Variants in PKIB observed in about 807,000 individuals in gnomAD.
The protein encoded by PKIB is cAMP-dependent protein kinase inhibitor beta.
PKIB carries 2 observed loss-of-function variants against 4.5 expected under a neutral mutation model. The observed-to-expected ratio is 0.44, with a 90% confidence interval of 0.18 to 1.39. The LOEUF is 1.39. Among genes scored for constraint, PKIB ranks in the 40% most tolerant of loss-of-function variants. PKIB has a pLI of 0.27. For missense variants in PKIB, 94 were observed against 92.6 expected, an observed-to-expected ratio of 1.02 and a Z score of -0.06; for synonymous variants, 38 against 36.0, an observed-to-expected ratio of 1.06 and a Z score of -0.20.
intron 2 of PKIB, among the ~76,000 whole-genome samples, chr6:122,521,287 C>T (rs1776939260): frequency 6.6e-6 from 1 of 152,144 alleles, no homozygotes; most frequent in Non-Finnish European, 1.5e-5. Context: ...TTGGTCCAAC[C>T]ACTGAGTTTG....
At chr6:122,671,056 G>C (rs571363320) in intron 2 of PKIB, among the ~76,000 whole-genome samples, 1 of 152,288 alleles carries the variant, frequency 6.6e-6, no homozygotes, top group Non-Finnish European at 1.5e-5. Flanking sequence ...CACTTTGGGA[G>C]GCCGAGGTGG....
At chr6:122,582,240 T>C (rs1027614919) in intron 2 of PKIB, among the ~76,000 whole-genome samples, 6 of 151,896 alleles carry the variant, frequency 4.0e-5, no homozygotes, top group Non-Finnish European at 7.4e-5. Context: ...CAGAATTTAG[T>C]AGCTATTCTT....
chr6:122,667,809 A>G (rs971685379), intron 2 of PKIB, among the ~76,000 whole-genome samples: 2 of 152,206 alleles, frequency 1.3e-5, no homozygotes, highest in Admixed American at 1.3e-4. Context: ...GTAAAAAAGT[A>G]AAGAGAAGCT....
intron 2 of PKIB, among the ~76,000 whole-genome samples, chr6:122,523,744 C>G (rs541853859): frequency 1.3e-5 from 2 of 151,594 alleles, no homozygotes; most frequent in Admixed American, 6.6e-5. Context: ...GATCAAGCCA[C>G]TGCACTCCAG....
chr6:122,478,037 G>C (rs1373915377), intron 2 of PKIB: 2 of 151,820 alleles, frequency 1.3e-5, no homozygotes, highest in Non-Finnish European at 2.9e-5. Context: ...GAAATCCTAG[G>C]CTTAGCTGTT....
chr6:122,575,913 A>G (rs911007556), intron 2 of PKIB, among the ~76,000 whole-genome samples: 6 of 152,176 alleles, frequency 3.9e-5, no homozygotes, highest in African/African-American at 1.4e-4. Context: ...CTGAAATTTT[A>G]AAAAAGAAAC....
intron 2 of PKIB, among the ~76,000 whole-genome samples, chr6:122,554,242 T>C (rs955478574): frequency 2.2e-4 from 34 of 152,334 alleles, no homozygotes; most frequent in African/African-American, 7.7e-4. Flanking sequence ...TAGCCTACAA[T>C]AATGACAGAA....
intron 2 of PKIB, among the ~76,000 whole-genome samples, chr6:122,504,156 T>A (rs983817795): frequency 5.9e-5 from 9 of 152,240 alleles, no homozygotes; most frequent in South Asian, 4.1e-4. Flanking sequence ...ATATTTTTTT[T>A]ATGAGGCTTT....
chr6:122,494,442 A>G (rs528238244), intron 2 of PKIB, among the ~76,000 whole-genome samples: 187 of 152,238 alleles, frequency 1.2e-3, no homozygotes, highest in Non-Finnish European at 2.3e-3. Flanking sequence ...GAAGAGTGCT[A>G]TGGCACAAGG....
chr6:122,679,093 A>C (rs1256312030), intron 3 of PKIB, among the ~76,000 whole-genome samples: 1 of 152,186 alleles, frequency 6.6e-6, no homozygotes, highest in Non-Finnish European at 1.5e-5. Context: ...GTGAAAAAAA[A>C]GTGCATCCCA....
chr6:122,576,710 A>ATATATATT (rs59569106), intron 2 of PKIB, among the ~76,000 whole-genome samples: 1,614 of 109,634 alleles, frequency 0.015, 16 homozygotes, highest in Non-Finnish European at 0.021. Context: ...ATATATATAT[A>ATATATATT]TTTTCTTTTG....
At chr6:122,629,329 G>A (rs1227075283) in intron 1 of PKIB, among the ~76,000 whole-genome samples, 6 of 152,034 alleles carry the variant, frequency 3.9e-5, no homozygotes, top group Non-Finnish European at 7.4e-5. Flanking sequence ...GACCCAATCT[G>A]GAACAATTTG....
chr6:122,680,427 C>CTTGG (rs1197946501), intron 3 of PKIB, among the ~76,000 whole-genome samples: 5 of 152,190 alleles, frequency 3.3e-5, no homozygotes, highest in African/African-American at 4.8e-5. Context: ...TGGAGGGGTT[C>CTTGG]TTCAGACCTA....
chr6:122,616,265 A>G (rs944385507), intron 1 of PKIB, among the ~76,000 whole-genome samples: 51 of 152,320 alleles, frequency 3.3e-4, no homozygotes, highest in Non-Finnish European at 8.8e-5. Context: ...GGCATGATCA[A>G]CAAGTCATAG....
intron 2 of PKIB, among the ~76,000 whole-genome samples, chr6:122,566,131 G>A (rs564362851): frequency 8.9e-4 from 135 of 152,106 alleles, no homozygotes; most frequent in African/African-American, 3.2e-3. Context: ...TAATCATTGG[G>A]TGTTGGACTT....
intron 3 of PKIB, among the ~76,000 whole-genome samples, chr6:122,592,965 G>C (rs1368117750): frequency 1.3e-5 from 2 of 152,084 alleles, no homozygotes; most frequent in African/African-American, 4.8e-5. Flanking sequence ...CTAATATTTG[G>C]GGTCAAGTAA....
chr6:122,524,524 C>T (rs1319615700), intron 2 of PKIB, among the ~76,000 whole-genome samples: 1 of 152,104 alleles, frequency 6.6e-6, no homozygotes, highest in African/African-American at 2.4e-5. Context: ...CCCTCCTCTT[C>T]AATTTTTTGG....
rs551063339 is a variant in PKIB at position 122,515,110 on chromosome 6, C to T, written c.-248+37171C>T. ...TATTTTTTGGGGGAAGAAAGAGTAA[C>T]GCACTTAAGTGGACATTAACTCATA... On this transcript the variant is annotated intron_variant, in intron 2 of 6. Coordinates refer to the PKIB transcript ENST00000392491. Among the ~76,000 whole-genome samples the T allele has an allele frequency of 2.0e-5, 3 of 152,224 alleles. No individual in the cohort carries two copies. In the South Asian group the frequency reaches 6.2e-4, roughly 32 times the overall value.
chr6:122,701,977 T>G (rs1198968025), intron 3 of PKIB, among the ~76,000 whole-genome samples: 1 of 152,110 alleles, frequency 6.6e-6, no homozygotes, highest in Non-Finnish European at 1.5e-5. Context: ...ATTAGTTACA[T>G]TAGGTAACCA....
Sources: gnomAD v4.1 joint callset for allele counts (sites outside exome capture counted in the v4.1 genomes callset) on GRCh38, gnomAD v4.1.1 for gene constraint, MANE v1.5 for transcripts, NCBI Gene and HGNC (gene_info 2026-07-23, HGNC 2026-07-21) for gene names.